Variants in ADGRL3 observed in about 807,000 individuals in gnomAD.
ADGRL3 encodes the protein adhesion G protein-coupled receptor L3.
In ADGRL3, 62 loss-of-function variants were observed where a neutral mutation model predicts 153.5. The observed-to-expected ratio is 0.40, with a 90% CI of 0.33 to 0.50. The LOEUF (loss-of-function observed/expected upper bound fraction) is 0.50, where lower values mean the gene tolerates loss of function less well. ADGRL3 is among the 20% of genes least tolerant of loss of function. The pLI, the probability that ADGRL3 is intolerant of heterozygous loss-of-function variation, is 0.47. For synonymous variants in ADGRL3, 710 were observed against 672.5 expected, an observed-to-expected ratio of 1.06 and a Z score of -0.86; for missense variants, 1,641 against 1,859.4, an observed-to-expected ratio of 0.88 and a Z score of 2.16.
chr4:61,900,941 T>C (rs1256394463), intron 11 of ADGRL3, among the ~76,000 whole-genome samples: 2 of 152,168 alleles, frequency 1.3e-5, no homozygotes, highest in African/African-American at 2.4e-5. Flanking sequence ...ATGACTGCTG[T>C]AAAATCATAG....
At chr4:61,919,810 G>A (rs1299536890) in intron 13 of ADGRL3, among the ~76,000 whole-genome samples, 3 of 152,130 alleles carry the variant, frequency 2.0e-5, no homozygotes, top group African/African-American at 7.2e-5. Context: ...GAATGTGTCA[G>A]GTTAGATAGA....
At chr4:61,770,886 C>T (rs2097076753) in intron 8 of ADGRL3, among the ~76,000 whole-genome samples, 1 of 152,122 alleles carries the variant, frequency 6.6e-6, no homozygotes, top group Admixed American at 6.5e-5. Context: ...TTCTAATGTT[C>T]TTTCTCTCTA....
At position 61,819,306 on chromosome 4, in the gene ADGRL3, A is replaced by AT. The variant is rs1037172554; in HGVS notation, c.1480+5425dup. On this transcript the variant is annotated intron_variant, in intron 9 of 26. Transcript: ENST00000683033. Reference sequence around the variant, plus strand: ...AATAATTGAAATTCTATCTCCAGTAATTTTTTTTGTGAGATTATATAGCAA... The same window carrying AT: ...AATAATTGAAATTCTATCTCCAGTAATTTTTTTTTGTGAGATTATATAGCAA... Among the ~76,000 whole-genome samples, 102 of 152,016 alleles carry AT rather than the reference A, an allele frequency of 6.7e-4. 1 individual carries two copies. The highest frequency in any genetic ancestry group is 3.4e-3 in the Middle Eastern group (1 of 294).
intron 5 of ADGRL3, among the ~76,000 whole-genome samples, chr4:61,646,851 C>A (rs926793407): frequency 5.1e-4 from 77 of 152,336 alleles, no homozygotes; most frequent in Non-Finnish European, 1.0e-3. Flanking sequence ...CAAGCCTGGG[C>A]AATGGCGGGC....
At chr4:61,573,399 A>G (rs752190925) in intron 4 of ADGRL3, among the ~76,000 whole-genome samples, 3 of 151,924 alleles carry the variant, frequency 2.0e-5, no homozygotes, top group Non-Finnish European at 4.4e-5. Flanking sequence ...TTCATTTTCC[A>G]TCTTTCAAAT....
intron 19 of ADGRL3, among the ~76,000 whole-genome samples, chr4:61,987,290 C>T (rs991910108): frequency 7.2e-5 from 11 of 151,944 alleles, no homozygotes; most frequent in Admixed American, 2.0e-4. Context: ...CTCAGCCTCC[C>T]GAGCAGCCGA....
At chr4:61,800,842 G>A (rs2097486839) in intron 8 of ADGRL3, among the ~76,000 whole-genome samples, 1 of 152,270 alleles carries the variant, frequency 6.6e-6, no homozygotes, top group South Asian at 2.1e-4. Flanking sequence ...TCAGGATGAT[G>A]TGATGACAGT....
intron 1 of ADGRL3, among the ~76,000 whole-genome samples, chr4:61,205,172 AAAT>A (rs1459816593): frequency 1.3e-5 from 2 of 152,204 alleles, no homozygotes; most frequent in Non-Finnish European, 2.9e-5. Context: ...GAAGTTAGTC[AAAT>A]AATATGATGC....
intron 1 of ADGRL3, among the ~76,000 whole-genome samples, chr4:61,257,811 A>G (rs914406398): frequency 3.3e-5 from 5 of 151,372 alleles, no homozygotes; most frequent in South Asian, 2.1e-4. Context: ...CCATTTTTCA[A>G]TTTATTTCGC....
chr4:61,977,771 G>A (rs1391965656), intron 17 of ADGRL3, among the ~76,000 whole-genome samples: 1 of 152,064 alleles, frequency 6.6e-6, no homozygotes, highest in Non-Finnish European at 1.5e-5. Context: ...TTTTTTAAAT[G>A]TCTGCCTTTA....
At chr4:61,623,898 A>G (rs886320084) in intron 5 of ADGRL3, among the ~76,000 whole-genome samples, 1 of 152,138 alleles carries the variant, frequency 6.6e-6, no homozygotes, top group Non-Finnish European at 1.5e-5. Flanking sequence ...ACCAAGGAGA[A>G]CAGTCAGGAA....
At chr4:61,646,055 C>T (rs1236288488) in intron 5 of ADGRL3, among the ~76,000 whole-genome samples, 1 of 152,186 alleles carries the variant, frequency 6.6e-6, no homozygotes, top group Admixed American at 6.5e-5. Flanking sequence ...ATCGCTGATA[C>T]CCTTTCTCCA....
chr4:61,766,451 T>A (rs1386146616), intron 8 of ADGRL3, among the ~76,000 whole-genome samples: 1 of 152,054 alleles, frequency 6.6e-6, no homozygotes, highest in African/African-American at 2.4e-5. Flanking sequence ...CTACAGGGTG[T>A]GGTCCTGGCT....
At chr4:62,008,484 T>G (rs1008629918) in intron 21 of ADGRL3, among the ~76,000 whole-genome samples, 1 of 152,124 alleles carries the variant, frequency 6.6e-6, no homozygotes, top group Non-Finnish European at 1.5e-5. Flanking sequence ...GCTAACCTAT[T>G]GACCAGTAGA....
At chr4:61,974,028 C>A (rs546867339) in intron 17 of ADGRL3, among the ~76,000 whole-genome samples, 13 of 152,182 alleles carry the variant, frequency 8.5e-5, no homozygotes, top group African/African-American at 3.1e-4. Flanking sequence ...AGTGCAGTGG[C>A]GTGGTCTCGG....
chr4:61,297,814 T>C (rs1348232358), intron 1 of ADGRL3, among the ~76,000 whole-genome samples: 3 of 151,760 alleles, frequency 2.0e-5, no homozygotes, highest in Admixed American at 6.6e-5. Context: ...ACCGCCACCG[T>C]CACTACCGTC....
intron 1 of ADGRL3, among the ~76,000 whole-genome samples, chr4:61,300,036 C>A (rs2094531103): frequency 6.6e-6 from 1 of 151,984 alleles, no homozygotes; most frequent in East Asian, 1.9e-4. Context: ...AAGAATATAC[C>A]CAATTTACAC....
intron 1 of ADGRL3, among the ~76,000 whole-genome samples, chr4:61,359,891 C>T (rs928329916): frequency 6.6e-6 from 1 of 152,106 alleles, no homozygotes; most frequent in African/African-American, 2.4e-5. Context: ...TCACATAGTA[C>T]ATATTCAGCT....
At chr4:61,740,258 AT>A (rs35605323) in intron 8 of ADGRL3, among the ~76,000 whole-genome samples, 2,070 of 152,298 alleles carry the variant, frequency 0.014, 14 homozygotes, top group Non-Finnish European at 0.023. Context: ...TTAACTGGCT[AT>A]TTTTTGTAAG....
Sources: gnomAD v4.1 joint callset for allele counts (sites outside exome capture counted in the v4.1 genomes callset) on GRCh38, gnomAD v4.1.1 for gene constraint, MANE v1.5 for transcripts, NCBI Gene and HGNC (gene_info 2026-07-23, HGNC 2026-07-21) for gene names.